The following ATG4B variants were observed in gnomAD, a reference collection of about 807,000 sequenced individuals.
The protein encoded by ATG4B is autophagy related 4B cysteine peptidase, also known as cysteine protease ATG4B.
Under a neutral mutation model 56.6 loss-of-function variants are expected in ATG4B, and 29 were observed. The observed-to-expected ratio is 0.51, with a 90% CI of 0.38 to 0.70. The LOEUF (loss-of-function observed/expected upper bound fraction) is 0.70. Ranked by LOEUF, ATG4B falls within the 30% of genes least tolerant of loss-of-function variation. The probability of loss-of-function intolerance (pLI) is 0.00; values close to 1 mark genes in which losing one functional copy is unlikely to be tolerated. For missense variants in ATG4B, 461 were observed against 515.5 expected, an observed-to-expected ratio of 0.89 and a Z score of 1.02; for synonymous variants, 224 against 206.1, an observed-to-expected ratio of 1.09 and a Z score of -0.74.
intron 7 of ATG4B, among the ~76,000 whole-genome samples, chr2:241,660,194 C>T (rs561304381): frequency 6.6e-6 from 1 of 152,218 alleles, no homozygotes; most frequent in Admixed American, 6.5e-5. Context: ...GTCCCCCGCC[C>T]CCCAAAAAAA....
At chr2:241,646,190 A>G (rs1178845204) in intron 1 of ATG4B, among the ~76,000 whole-genome samples, 2 of 152,298 alleles carry the variant, frequency 1.3e-5, no homozygotes, top group Non-Finnish European at 2.9e-5. Flanking sequence ...AACCTAAGAA[A>G]TACACCTGCT....
chr2:241,640,626 G>A (rs2067854548), intron 1 of ATG4B, among the ~76,000 whole-genome samples: 1 of 152,220 alleles, frequency 6.6e-6, no homozygotes, highest in African/African-American at 2.4e-5. Context: ...GAAGTGCGTG[G>A]CTCCTGGGGG....
chr2:241,671,843 G>A (rs1244592053), intron 12 of ATG4B: 18 of 1,279,820 alleles, frequency 1.4e-5, no homozygotes, highest in South Asian at 6.9e-5. Context: ...GGCCGTGAGC[G>A]CGTCCTCCTC....
intron 8 of ATG4B, among the ~76,000 whole-genome samples, chr2:241,667,242 C>T (rs963693659): frequency 6.6e-6 from 1 of 152,172 alleles, no homozygotes; most frequent in East Asian, 1.9e-4. Flanking sequence ...GAGGAAGGGA[C>T]GTGTGGGCAG....
At chr2:241,639,564 A>G (rs1035327280) in intron 1 of ATG4B, among the ~76,000 whole-genome samples, 6 of 152,096 alleles carry the variant, frequency 3.9e-5, no homozygotes, top group African/African-American at 1.4e-4. Context: ...GAAGAATGAG[A>G]CTACACTTAA....
At chr2:241,647,392 G>A (rs1405488957) in intron 1 of ATG4B, among the ~76,000 whole-genome samples, 2 of 150,966 alleles carry the variant, frequency 1.3e-5, no homozygotes, top group Non-Finnish European at 3.0e-5. Context: ...GCCGAGGCGG[G>A]AGGATCATGA....
Position 241,651,178 on chromosome 2 carries a change from G to C in ATG4B, c.112+67G>C, listed in dbSNP as rs912419451. The C allele has an allele frequency of 6.5e-5, 102 of 1,559,850 alleles. No individual in the cohort carries two copies. The highest frequency in any genetic ancestry group is 2.1e-4 in the Admixed American group (11 of 53,582). On this transcript the variant is annotated intron_variant, in intron 2 of 12. Coordinates refer to ENST00000404914, the MANE Select transcript of ATG4B (RefSeq NM_013325.5). This position sits in a 1 kb window ranked among gnomAD's most constrained non-coding sequence, Gnocchi z 4.1. ...CCTGCAGAAGCATTTTGTGATCACT[G>C]TTCTCTGCTAACTCTGCCATAACTT...
intron 7 of ATG4B, among the ~76,000 whole-genome samples, chr2:241,663,041 G>C (rs1454614866): frequency 6.6e-6 from 1 of 152,158 alleles, no homozygotes; most frequent in East Asian, 1.9e-4. Context: ...TTAAAGACCA[G>C]CCTGGTCAAC....
chr2:241,654,385 C>T (rs1484511458), intron 4 of ATG4B, among the ~76,000 whole-genome samples, 161 bp from the exon 5 acceptor site: 9 of 142,122 alleles, frequency 6.3e-5, no homozygotes, highest in Non-Finnish European at 9.0e-5. Flanking sequence ...CACGCCATTG[C>T]ACTCCATCCT....
rs1026909007 is a variant in ATG4B at position 241,658,591 on chromosome 2, A to C, written c.459-517A>C. ...TGGCTGCAGAATCTGCCCTTCCCTC[A>C]GAAGGGGAAATCCAAGGCCATGGTT... On this transcript the variant is annotated intron_variant, in intron 6 of 12. Transcript: ENST00000404914. Among the ~76,000 whole-genome samples the C allele has an allele frequency of 1.1e-4, 17 of 152,224 alleles. 1 individual carries two copies. The highest frequency in any genetic ancestry group is 1.2e-4 in the Non-Finnish European group (8 of 68,036).
In ATG4B at chr2:241,672,349, C is replaced by A; in HGVS notation, c.*85C>A. The stretch of plus-strand genomic sequence containing the variant: ...TCATCCATCCCGCCCGCTCGCCTGC[C>A]GAGGGCTGCGCCCCGTGCTGCCTCC... On this transcript the variant is annotated 3_prime_UTR_variant, in exon 13 of 13. Coordinates refer to ENST00000404914, the MANE Select transcript of ATG4B (RefSeq NM_013325.5). The A allele has an allele frequency of 7.8e-7, 1 of 1,276,094 alleles. No homozygotes were observed. The highest frequency in any genetic ancestry group is 1.1e-6 in the Non-Finnish European group (1 of 904,902). 79.0% of individuals were successfully genotyped at this position (1,276,094 alleles called of 1,614,324 possible).
At chr2:241,653,947 C>G (rs140011320) in intron 4 of ATG4B, among the ~76,000 whole-genome samples, 7,298 of 141,656 alleles carry the variant, frequency 0.052, 358 homozygotes, top group African/African-American at 0.13. Flanking sequence ...GCTGAGATCG[C>G]ACCACTGCGC....
At chr2:241,669,021 ACGGGCGGCCCCTC>A (rs2068871134) in intron 10 of ATG4B, among the ~76,000 whole-genome samples, 1 of 100,610 alleles carries the variant, frequency 9.9e-6, no homozygotes. Flanking sequence ...ATTTAAACAC[ACGGGCGGCCCCTC>A]CACCCACCCC....
chr2:241,643,823 A>G (rs1400274768), intron 1 of ATG4B, among the ~76,000 whole-genome samples: 1 of 151,404 alleles, frequency 6.6e-6, no homozygotes, highest in Non-Finnish European at 1.5e-5. Flanking sequence ...TTGGCCTCCT[A>G]AAGTGCTGGG....
In ATG4B at chr2:241,651,022, A is replaced by G. The variant is rs181842661; in HGVS notation, c.23A>G (p.Tyr8Cys). MDAATLT[Y>C]DTLRFAEFED... Reference sequence around the variant, plus strand: ...TTGGTTTCAACAGCTACTCTGACCTACGACACTCTCCGGTTTGCTGAGTTT... The same window carrying G: ...TTGGTTTCAACAGCTACTCTGACCTGCGACACTCTCCGGTTTGCTGAGTTT... The change falls in exon 2 of 13, where the codon TAC becomes TGC. Residue 8 changes from tyrosine (Y) to cysteine (C), a missense_variant. Transcript: ENST00000404914. This position sits in a 1 kb window ranked among gnomAD's most constrained non-coding sequence, Gnocchi z 4.1. 173 of 1,613,812 alleles carry G rather than the reference A, an allele frequency of 1.1e-4. 1 individual carries two copies. The East Asian group carries it at 3.7e-3, about 35-fold the overall frequency.
At chr2:241,653,274 A>G in intron 3 of ATG4B, 1 of 1,451,784 alleles carries the variant, frequency 6.9e-7, no homozygotes, top group Non-Finnish European at 9.4e-7. Context: ...TTGCTCCGTG[A>G]CTGACTTGTT....
At chr2:241,666,913 G>C in intron 8 of ATG4B, 75 bp downstream of exon 8, 1 of 1,473,186 alleles carries the variant, frequency 6.8e-7, no homozygotes, top group South Asian at 1.2e-5. Context: ...TCAGCGCATC[G>C]TCGTCACGTG....
intron 6 of ATG4B, 98 bp from the exon 7 acceptor site, chr2:241,659,010 A>G (rs1476488131): frequency 3.6e-6 from 3 of 840,504 alleles, no homozygotes; most frequent in Non-Finnish European, 5.4e-6. Context: ...TCCGAGAAGC[A>G]CCTCTAACGC....
intron 7 of ATG4B, among the ~76,000 whole-genome samples, chr2:241,665,813 G>A (rs1434648142): frequency 3.3e-5 from 5 of 152,218 alleles, no homozygotes; most frequent in Admixed American, 1.3e-4. Context: ...ATTGGTTGGC[G>A]TTCTGAGAAG....
Sources: gnomAD v4.1 joint callset for allele counts (sites outside exome capture counted in the v4.1 genomes callset) on GRCh38, gnomAD v4.1.1 for gene constraint, Gnocchi (gnomAD v3.1) non-coding constraint, MANE v1.5 for transcripts, NCBI Gene and HGNC (gene_info 2026-07-23, HGNC 2026-07-21) for gene names.